Variants in TSBP1 observed in about 807,000 individuals in gnomAD.
TSBP1 encodes the protein testis-expressed basic protein 1.
A neutral mutation model predicts 68.8 loss-of-function variants in TSBP1; 56 were observed. The observed-to-expected ratio is 0.81, with a 90% CI of 0.66 to 1.02. The LOEUF is 1.02. Ranked by LOEUF, TSBP1 falls within the 50% of genes least tolerant of loss-of-function variation. The pLI is 0.00. For missense variants in TSBP1, 502 were observed against 641.2 expected (o/e 0.78, Z 2.34); for synonymous variants, 171 against 208.7 (o/e 0.82, Z 1.56).
At chr6:32,317,751 T>C (rs1299617287) in intron 18 of TSBP1, among the ~76,000 whole-genome samples, 1 of 152,158 alleles carries the variant, frequency 6.6e-6, no homozygotes. Context: ...AAAACCACAA[T>C]GAGATACCAT....
chr6:32,346,692 G>T (rs1230107894), intron 9 of TSBP1, among the ~76,000 whole-genome samples: 4 of 152,104 alleles, frequency 2.6e-5, no homozygotes, highest in Non-Finnish European at 5.9e-5. Context: ...ACAAAAATTA[G>T]CTGGGTATTG....
At chr6:32,332,641 A>G (rs1170946197) in intron 14 of TSBP1, among the ~76,000 whole-genome samples, 1 of 151,956 alleles carries the variant, frequency 6.6e-6, no homozygotes, top group Admixed American at 6.6e-5. Flanking sequence ...ATAAGGTCTC[A>G]CTCTGTCACC....
Position 32,333,376 on chromosome 6 carries a change from T to C in TSBP1, c.473-1322A>G, listed in dbSNP as rs1769284090. On this transcript the variant is annotated intron_variant, in intron 14 of 22. Transcript: ENST00000612031. This position sits in a 1 kb window ranked among gnomAD's most constrained non-coding sequence, Gnocchi z 4.2. ...TTAGACTGCATCTGAACTGGGAGAATTGTAAATATGTATTAAGAAGCCATA... is the reference window on the plus strand; with the variant it reads ...TTAGACTGCATCTGAACTGGGAGAACTGTAAATATGTATTAAGAAGCCATA... 6.6e-6 allele frequency among the ~76,000 whole-genome samples: 1 copy of C among 152,130 alleles called. No individual in the cohort carries two copies. The highest frequency in any genetic ancestry group is 1.5e-5 in the Non-Finnish European group (1 of 68,024).
chr6:32,345,876 G>A (rs3117133), intron 9 of TSBP1, among the ~76,000 whole-genome samples: 1 of 152,106 alleles, frequency 6.6e-6, no homozygotes, highest in South Asian at 2.1e-4. Flanking sequence ...TTCTGTAGGA[G>A]CACACGTCAT....
Position 32,315,556 on chromosome 6 carries a change from T to C in TSBP1, c.580+216A>G, listed in dbSNP as rs9501175. ...CAGCCTGTGTGACAGAGTGAGACTCTGTCTCAAAACAAAACAAAACAAAAA... is the reference window on the plus strand; with the variant it reads ...CAGCCTGTGTGACAGAGTGAGACTCCGTCTCAAAACAAAACAAAACAAAAA... On this transcript the variant is annotated intron_variant, in intron 19 of 22. Transcript: ENST00000612031. The surrounding 1 kb of genome is among the most constrained non-coding windows in gnomAD (Gnocchi z 5.4). Among the ~76,000 whole-genome samples the C allele has an allele frequency of 0.02, 3,083 of 152,232 alleles. 87 individuals carry two copies. The highest frequency in any genetic ancestry group is 0.064 in the African/African-American group (2,652 of 41,526).
Position 32,306,378 on chromosome 6 carries a change from C to T in TSBP1, c.581-3749G>A, listed in dbSNP as rs41289494. ...TTCTAACTCCTGCGCATAATTTCCC[C>T]ATATCCCCCCTCCCATAGAAACCCT... On this transcript the variant is annotated intron_variant, in intron 19 of 22. Transcript: ENST00000612031. The surrounding 1 kb of genome is among the most constrained non-coding windows in gnomAD (Gnocchi z 5.1). Among the ~76,000 whole-genome samples the T allele has an allele frequency of 2.0e-5, 3 of 152,116 alleles. No homozygotes were observed. The highest frequency in any genetic ancestry group is 2.1e-4 in the South Asian group (1 of 4,812).
intron 19 of TSBP1, among the ~76,000 whole-genome samples, chr6:32,313,384 A>C (rs1766612461): frequency 6.6e-6 from 1 of 152,248 alleles, no homozygotes; most frequent in Non-Finnish European, 1.5e-5. Flanking sequence ...CTGGCCTACA[A>C]TAGGCCAATA....
In TSBP1 at chr6:32,304,401, TG is replaced by T. The variant is rs1765590049; in HGVS notation, c.581-1773del. ...TTTAAATTATGTATTGAGTTCCTAT[TG>T]AAAATCCACTTGGAACACCAGAAAA... On this transcript the variant is annotated intron_variant, in intron 19 of 22. Transcript: ENST00000612031. The surrounding 1 kb of genome is among the most constrained non-coding windows in gnomAD (Gnocchi z 4.8). Among the ~76,000 whole-genome samples the T allele has an allele frequency of 6.6e-6, 1 of 152,144 alleles. No individual in the cohort carries two copies. The highest frequency in any genetic ancestry group is 2.1e-4 in the South Asian group (1 of 4,824).
In TSBP1 at chr6:32,293,889, A is replaced by G. The variant is rs1435470073; in HGVS notation, c.784T>C (p.Ser262Pro). The change falls in exon 23 of 23, where the codon TCT (serine) becomes CCT (proline). Residue 262 changes from serine to proline, a missense_variant. Coordinates refer to ENST00000612031, the Ensembl canonical transcript of TSBP1. ...TGTGCTGATTTCAAGGATTCTACAG[A>G]ATTCGTAAATATGATGTCATTCTTT... The G allele has an allele frequency of 2.5e-6, 4 of 1,612,786 alleles. No homozygotes were observed. The African/African-American group carries it at 4.0e-5, about 16-fold the overall frequency.
At chr6:32,362,653 C>T (rs7744155) in intron 6 of TSBP1, among the ~76,000 whole-genome samples, 44,258 of 151,990 alleles carry the variant, frequency 0.29, 7,462 homozygotes, top group African/African-American at 0.44. Flanking sequence ...TTTTGTTTGA[C>T]GAGATACCAC....
rs747376665 is a variant in TSBP1 at position 32,294,195 on chromosome 6, A to G, written c.638-160T>C. On this transcript the variant is annotated intron_variant, in intron 22 of 22. Coordinates refer to ENST00000612031, the Ensembl canonical transcript of TSBP1. ...AAAATGATGGTTCTCTGTACATAAA[A>G]TTATAAAAGTATCGATAAAATTCTG... 3 of 772,956 alleles carry G rather than the reference A, an allele frequency of 3.9e-6. No individual in the cohort carries two copies. In the Admixed American group the frequency reaches 7.9e-5, roughly 20 times the overall value. 47.9% of individuals were successfully genotyped at this position (772,956 alleles called of 1,614,324 possible). A position where few individuals can be genotyped will look rare whatever the true frequency, so the allele number is the denominator to read the frequency against.
Position 32,365,960 on chromosome 6 carries a change from G to T in TSBP1, c.217+207C>A. 1 of 729,042 alleles carries T rather than the reference G, an allele frequency of 1.4e-6. No homozygotes were observed. The highest frequency in any genetic ancestry group is 2.4e-6 in the Non-Finnish European group (1 of 415,976). The allele number at this position is 729,042 out of a possible 1,614,324, so 45.2% of individuals were successfully genotyped here. ...TACTTTTGTTAAATAATTAGGAGTT[G>T]GATAGGAGAGGAATTGCATAGCTTT... On this transcript the variant is annotated intron_variant, in intron 6 of 22. Transcript: ENST00000612031. This position sits in a 1 kb window ranked among gnomAD's most constrained non-coding sequence, Gnocchi z 4.3.
At chr6:32,369,732 C>A (rs79885474) in intron 2 of TSBP1, among the ~76,000 whole-genome samples, 165 bp downstream of exon 2, 1 of 152,180 alleles carries the variant, frequency 6.6e-6, no homozygotes, top group Non-Finnish European at 1.5e-5. Flanking sequence ...CAGGGACAAT[C>A]ACTAATAGGT....
intron 22 of TSBP1, among the ~76,000 whole-genome samples, chr6:32,295,575 G>C (rs1764621878): frequency 6.6e-6 from 1 of 152,106 alleles, no homozygotes; most frequent in East Asian, 1.9e-4. Context: ...GCCTAGCTGG[G>C]TGACCTTTGG....
intron 18 of TSBP1, among the ~76,000 whole-genome samples, chr6:32,318,386 C>T (rs1235088441): frequency 1.3e-5 from 2 of 152,144 alleles, no homozygotes; most frequent in Non-Finnish European, 2.9e-5. Context: ...ATCTGTACAA[C>T]AAACCTGCAT....
At chr6:32,305,283 A>G (rs522254) in intron 19 of TSBP1, among the ~76,000 whole-genome samples, 21,927 of 152,226 alleles carry the variant, frequency 0.14, 1,975 homozygotes, top group Non-Finnish European at 0.2. Context: ...AGCAGGAGAC[A>G]AGATAAGGGT....
intron 10 of TSBP1, among the ~76,000 whole-genome samples, chr6:32,339,225 C>T (rs1487507135): frequency 1.6e-5 from 1 of 61,530 alleles, no homozygotes; most frequent in East Asian, 5.6e-4. Flanking sequence ...TCAAATCCTT[C>T]TAAAGTTATA....
At chr6:32,370,265 T>C (rs1774234242) in intron 1 of TSBP1, among the ~76,000 whole-genome samples, 1 of 151,928 alleles carries the variant, frequency 6.6e-6, no homozygotes, top group South Asian at 2.1e-4. Flanking sequence ...CCTCCTCAGT[T>C]GAACCCTTTA....
At chr6:32,298,133 T>A (rs1764896588) in intron 22 of TSBP1, among the ~76,000 whole-genome samples, 1 of 152,074 alleles carries the variant, frequency 6.6e-6, no homozygotes, top group African/African-American at 2.4e-5. Flanking sequence ...ACATACAACA[T>A]CAATCATCAG....
Sources: allele counts gnomAD v4.1 joint callset (sites outside exome capture counted in the v4.1 genomes callset), GRCh38; gene constraint gnomAD v4.1.1; non-coding constraint Gnocchi (gnomAD v3.1); transcripts MANE v1.5; gene names NCBI Gene and HGNC (gene_info 2026-07-23, HGNC 2026-07-21).